The following ZNF510 variants were observed in gnomAD, a reference collection of about 807,000 sequenced individuals.
The protein encoded by ZNF510 is zinc finger protein 510.
In ZNF510, 15 loss-of-function variants were observed where a neutral mutation model predicts 18.1. The ratio of observed to expected loss-of-function variants is 0.83; its 90% CI spans 0.55 to 1.28. ZNF510 has a LOEUF of 1.28. Among genes scored for constraint, ZNF510 ranks in the 50% most tolerant of loss-of-function variants. ZNF510 has a pLI of 0.00. For synonymous variants in ZNF510, 261 were observed against 266.4 expected, an observed-to-expected ratio of 0.98 and a Z score of 0.20; for missense variants, 724 against 791.8, an observed-to-expected ratio of 0.91 and a Z score of 1.03.
In ZNF510 at chr9:96,759,129, C is replaced by A. The variant is rs149138912; in HGVS notation, c.1701G>T (p.Thr567=). ...DHLIQHQKTH[T]GEKPFKCNEC... is the part of the protein sequence containing the mutation. The stretch of plus-strand genomic sequence containing the variant: ...CGTTACATTTGAATGGTTTCTCTCC[C>A]GTGTGAGTTTTCTGATGTTGAATGA... Residue 567 remains threonine, a synonymous_variant, in exon 6 of 6, where the codon ACG becomes ACT. Coordinates refer to ENST00000223428, the MANE Select transcript of ZNF510 (RefSeq NM_014930.3). 5.0e-5 allele frequency: 81 copies of A among 1,613,122 alleles called. No individual in the cohort carries two copies. In the South Asian group the frequency reaches 8.0e-4, roughly 16 times the overall value.
At chr9:96,774,341 G>A (rs1281252460) in intron 3 of ZNF510, among the ~76,000 whole-genome samples, 5 of 152,180 alleles carry the variant, frequency 3.3e-5, no homozygotes, top group Admixed American at 3.3e-4. Flanking sequence ...ATTAATAAAA[G>A]CCTGAGTTTG....
intron 3 of ZNF510, among the ~76,000 whole-genome samples, chr9:96,767,412 C>G (rs1849498512): frequency 6.6e-6 from 1 of 152,058 alleles, no homozygotes. Context: ...AATGAATACA[C>G]AAAATACCAA....
rs1453524288 is a variant in ZNF510 at position 96,759,827 on chromosome 9, G to A, written c.1003C>T (p.His335Tyr). ...TTTCCACTTGGATTTAATTCATAAT[G>A]TTTTATACCCATATTAAGTTTATTA... ...EYNKLNMGIK[H>Y]YELNPSGNNF... Residue 335 changes from histidine (H) to tyrosine (Y), a missense_variant, in exon 6 of 6, where the codon CAT (histidine) becomes TAT (tyrosine). Physicochemically the swap from His to Tyr is moderately conservative, Grantham distance 83 (BLOSUM62 2). Transcript: ENST00000223428. The A allele has an allele frequency of 3.1e-6, 5 of 1,613,666 alleles. No individual in the cohort carries two copies. The South Asian group carries it at 5.5e-5, about 18-fold the overall frequency.
At position 96,760,431 on chromosome 9, in the gene ZNF510, T is replaced by G. The variant is rs1849318831; in HGVS notation, c.399A>C (p.Lys133Asn). ...ATATTGCTTGCTCCAAGTGTTTGTC[T>G]TTGATTTTCTTGTTCTGCTTGATCA... is the stretch of plus-strand genomic sequence containing the variant. ...DDLIKQNKKI[K>N]DKHLEQAICI... Residue 133 changes from lysine to asparagine, a missense_variant, in exon 6 of 6, where the codon AAA becomes AAC. Coordinates refer to ENST00000223428, the MANE Select transcript of ZNF510 (RefSeq NM_014930.3). 1.2e-6 allele frequency: 2 copies of G among 1,611,974 alleles called. No individual in the cohort carries two copies. Among genetic ancestry groups the G allele is most frequent in the East Asian group, 2.2e-5 (1 of 44,802 alleles).
Position 96,759,360 on chromosome 9 carries a change from A to G in ZNF510, c.1470T>C (p.Cys490=), listed in dbSNP as rs202149984. The G allele has an allele frequency of 2.5e-6, 4 of 1,614,036 alleles. No individual in the cohort carries two copies. The Admixed American group carries it at 6.7e-5, about 27-fold the overall frequency. Residue 490 remains cysteine, a synonymous_variant, in exon 6 of 6, where the codon TGT becomes TGC. Transcript: ENST00000223428. ...GAACAAAAGTTTTCCCACATTCACTACATTCATAGGGTTTTTCTCCTGTGT... is the reference window on the plus strand; with the variant it reads ...GAACAAAAGTTTTCCCACATTCACTGCATTCATAGGGTTTTTCTCCTGTGT... ...RIHTGEKPYE[C]SECGKTFVQK...
In ZNF510 at chr9:96,759,138, T is replaced by C. The variant is rs774237603; in HGVS notation, c.1692A>G (p.Lys564=). The C allele has an allele frequency of 1.9e-6, 3 of 1,613,990 alleles. No individual in the cohort carries two copies. In the African/African-American group the frequency reaches 4.0e-5, roughly 22 times the overall value. The part of the protein sequence containing the change: ...WRKDHLIQHQ[K]THTGEKPFKC... The stretch of plus-strand genomic sequence containing the variant: ...TGAATGGTTTCTCTCCCGTGTGAGT[T>C]TTCTGATGTTGAATGAGATGATCTT... The change falls in exon 6 of 6, where the codon AAA becomes AAG. Residue 564 remains lysine, a synonymous_variant. Transcript: ENST00000223428.
chr9:96,764,970 G>C (rs183596119), intron 3 of ZNF510, among the ~76,000 whole-genome samples: 1 of 151,436 alleles, frequency 6.6e-6, no homozygotes, highest in Non-Finnish European at 1.5e-5. Context: ...AAAATTAGCC[G>C]GGTGTGGTGG....
chr9:96,759,638 G>A lies in ZNF510; in HGVS notation c.1192C>T (p.His398Tyr). The A allele has an allele frequency of 1.2e-6, 2 of 1,613,676 alleles. No homozygotes were observed. The highest frequency in any genetic ancestry group is 1.7e-6 in the Non-Finnish European group (2 of 1,179,950). Residue 398 changes from histidine (H) to tyrosine (Y), a missense_variant, in exon 6 of 6, where the codon CAC (histidine) becomes TAC (tyrosine). Physicochemically the swap from His to Tyr is moderately conservative, Grantham distance 83. Transcript: ENST00000223428. Reference sequence around the variant, plus strand: ...CATTTATAGGGTTTCATCATTGAGTGACTTCTTCGGCGAACTCTGTGAACC... The same window carrying A: ...CATTTATAGGGTTTCATCATTGAGTAACTTCTTCGGCGAACTCTGTGAACC... ...TSVHRVRRRS[H>Y]SMMKPYKCNE... is the part of the protein sequence containing the mutation.
intron 1 of ZNF510, 195 bp downstream of exon 1, chr9:96,777,839 G>C (rs1849738486): frequency 6.6e-6 from 1 of 152,200 alleles, no homozygotes; most frequent in Non-Finnish European, 1.5e-5. Flanking sequence ...CTTCCAACTA[G>C]GACTCAGCCC....
Position 96,758,961 on chromosome 9 carries a change from T to C in ZNF510, c.1869A>G (p.Thr623=), listed in dbSNP as rs1303860634. 1.9e-6 allele frequency: 3 copies of C among 1,613,866 alleles called. No homozygotes were observed. Among genetic ancestry groups the C allele is most frequent in the African/African-American group, 1.3e-5 (1 of 75,018 alleles). Residue 623 remains threonine, a synonymous_variant, in exon 6 of 6, where the codon ACA becomes ACG. Transcript: ENST00000223428. The part of the protein sequence containing the change: ...AILSDHQRIH[T]GEKPFQCNKC... ...TATTACACTGAAAGGGTTTCTCCCC[T>C]GTGTGAATTCTCTGATGATCACTAA...
rs192153665 is a variant in ZNF510 at position 96,774,475 on chromosome 9, T to G, written c.129+313A>C. 2.6e-5 allele frequency among the ~76,000 whole-genome samples: 4 copies of G among 152,362 alleles called. No individual in the cohort carries two copies. The East Asian group carries it at 5.8e-4, about 22-fold the overall frequency. On this transcript the variant is annotated intron_variant, in intron 3 of 5. Transcript: ENST00000223428. Reference sequence around the variant, plus strand: ...CCAACAAAGACATTTTCCCTGACTTTGATAACTTTAGATTCCATGAGGAAT... The same window carrying G: ...CCAACAAAGACATTTTCCCTGACTTGGATAACTTTAGATTCCATGAGGAAT...
chr9:96,763,953 C>G (rs1849413298), intron 3 of ZNF510, among the ~76,000 whole-genome samples: 1 of 151,934 alleles, frequency 6.6e-6, no homozygotes, highest in Non-Finnish European at 1.5e-5. Flanking sequence ...AAAAATTAGC[C>G]AGGTATGGTG....
intron 5 of ZNF510, 138 bp from the exon 6 acceptor site, chr9:96,760,615 T>C (rs901590155): frequency 4.0e-6 from 3 of 745,282 alleles, no homozygotes; most frequent in Admixed American, 3.2e-5. Flanking sequence ...TGTGTAAATA[T>C]ATATATCTCA....
In ZNF510 at chr9:96,757,532, TC is replaced by T. The variant is rs1157726985; in HGVS notation, c.*1245del. Reference sequence around the variant, plus strand: ...TGGCTTACACAGAAGCTTTCTGCCTTCCTAGCAGAAGATAACTAAATTATGT... The same window carrying T: ...TGGCTTACACAGAAGCTTTCTGCCTTCTAGCAGAAGATAACTAAATTATGT... On this transcript the variant is annotated 3_prime_UTR_variant, in exon 6 of 6. Transcript: ENST00000223428. 6.6e-6 allele frequency: 1 copy of T among 152,168 alleles called. No homozygotes were observed. Among genetic ancestry groups the T allele is most frequent in the African/African-American group, 2.4e-5 (1 of 41,438 alleles). The allele number at this position is 152,168 out of a possible 1,614,324, so 9.4% of individuals were successfully genotyped here.
At chr9:96,762,963 G>C in intron 5 of ZNF510, 155 bp downstream of exon 5, 1 of 603,936 alleles carries the variant, frequency 1.7e-6, no homozygotes. Flanking sequence ...ACTTTTAATG[G>C]AATCAACTTT....
chr9:96,774,891 C>G, intron 2 of ZNF510, 45 bp from the exon 3 acceptor site: 1 of 1,540,732 alleles, frequency 6.5e-7, no homozygotes, highest in Non-Finnish European at 9.0e-7. Flanking sequence ...CAGCCTCCAT[C>G]TTACCTGCCT....
chr9:96,773,276 T>C (rs879612084), intron 3 of ZNF510, among the ~76,000 whole-genome samples: 3 of 152,222 alleles, frequency 2.0e-5, no homozygotes, highest in Non-Finnish European at 2.9e-5. Flanking sequence ...GAGTACACTT[T>C]ACTGGTATTA....
At chr9:96,769,563 A>G (rs1283685715) in intron 3 of ZNF510, among the ~76,000 whole-genome samples, 1 of 152,164 alleles carries the variant, frequency 6.6e-6, no homozygotes, top group East Asian at 1.9e-4. Flanking sequence ...CTTCCTGGAT[A>G]TGATACCAAA....
chr9:96,760,421 A>G lies in ZNF510; in HGVS notation c.409T>C (p.Leu137=). Residue 137 remains leucine, a synonymous_variant, in exon 6 of 6, where the codon TTG becomes CTG. Coordinates refer to ENST00000223428, the MANE Select transcript of ZNF510 (RefSeq NM_014930.3). The part of the protein sequence containing the change: ...KQNKKIKDKH[L]EQAICINNKT... The stretch of plus-strand genomic sequence containing the variant: ...TTATTGATACATATTGCTTGCTCCA[A>G]GTGTTTGTCTTTGATTTTCTTGTTC... The G allele has an allele frequency of 6.2e-7, 1 of 1,612,648 alleles. No homozygotes were observed. The highest frequency in any genetic ancestry group is 8.5e-7 in the Non-Finnish European group (1 of 1,179,504).
Sources: gnomAD v4.1 joint callset for allele counts (sites outside exome capture counted in the v4.1 genomes callset) on GRCh38, gnomAD v4.1.1 for gene constraint, MANE v1.5 for transcripts, NCBI Gene and HGNC (gene_info 2026-07-23, HGNC 2026-07-21) for gene names.